PCYT1A: variants seen among roughly 807,000 people sequenced by gnomAD.
PCYT1A encodes choline-phosphate cytidylyltransferase A.
In PCYT1A, 25 loss-of-function variants were observed where a neutral mutation model predicts 43.7. The ratio of observed to expected loss-of-function variants is 0.57; its 90% CI spans 0.42 to 0.80. The LOEUF (loss-of-function observed/expected upper bound fraction) is 0.80, where lower values mean the gene tolerates loss of function less well. Ranked by LOEUF, PCYT1A falls within the 30% of genes least tolerant of loss-of-function variation. The pLI, the probability that PCYT1A is intolerant of heterozygous loss-of-function variation, is 0.00. For missense variants in PCYT1A, 421 were observed against 474.2 expected (o/e 0.89, Z 1.04); for synonymous variants, 172 against 170.7 (o/e 1.01, Z -0.06).
intron 2 of PCYT1A, among the ~76,000 whole-genome samples, chr3:196,266,409 C>T (rs1331359200): frequency 2.0e-5 from 3 of 151,498 alleles, no homozygotes; most frequent in South Asian, 2.1e-4. Flanking sequence ...GGAGGCGGAG[C>T]TTGCAGTGAG....
At chr3:196,284,673 G>T (rs1381593428) in intron 1 of PCYT1A, among the ~76,000 whole-genome samples, 4 of 152,180 alleles carry the variant, frequency 2.6e-5, no homozygotes, top group Non-Finnish European at 5.9e-5. Context: ...CTTATGGGAG[G>T]AGAGTCATAG....
At chr3:196,270,688 CA>C in intron 1 of PCYT1A, 147 bp from the exon 2 acceptor site, 1 of 690,608 alleles carries the variant, frequency 1.4e-6, no homozygotes, top group Non-Finnish European at 2.6e-6. Flanking sequence ...TGGCATCTGG[CA>C]AAACCAGCGA....
In PCYT1A at chr3:196,279,388, T is replaced by G. The variant is rs555040196; in HGVS notation, c.-11+8227A>C. ...CACTCCCTAGATAAGTCACCTTATC[T>G]TAATCACTGAAATTTGAGCACAGAC... On this transcript the variant is annotated intron_variant, in intron 1 of 8. Coordinates refer to ENST00000431016, the MANE Select transcript of PCYT1A (RefSeq NM_001312673.2). Among the ~76,000 whole-genome samples the G allele has an allele frequency of 1.8e-3, 271 of 152,136 alleles. 3 individuals carry two copies. Among genetic ancestry groups the G allele is most frequent in the Middle Eastern group, 0.01 (3 of 292 alleles).
At chr3:196,240,093 G>A in intron 7 of PCYT1A, 1 of 224,258 alleles carries the variant, frequency 4.5e-6, no homozygotes, top group Non-Finnish European at 8.8e-6. Context: ...TACAGAGGCA[G>A]CTAAAAGATC....
At chr3:196,267,281 G>A (rs1323877951) in intron 2 of PCYT1A, 7 of 456,132 alleles carry the variant, frequency 1.5e-5, no homozygotes, top group African/African-American at 4.0e-5. Context: ...ACCACATACC[G>A]TATGATGTCA....
intron 2 of PCYT1A, among the ~76,000 whole-genome samples, chr3:196,264,558 T>G (rs1021569682): frequency 6.6e-6 from 1 of 152,214 alleles, no homozygotes; most frequent in Admixed American, 6.5e-5. Flanking sequence ...TGATGACGCT[T>G]TTCCCAAACC....
In PCYT1A at chr3:196,254,754, T is replaced by C. The variant is rs139128751; in HGVS notation, c.217+3034A>G. ...GGTTATGAATTATACGCTGCACCACTGGTGACTAAGTAACCATATGTCCTC... is the reference window on the plus strand; with the variant it reads ...GGTTATGAATTATACGCTGCACCACCGGTGACTAAGTAACCATATGTCCTC... On this transcript the variant is annotated intron_variant, in intron 3 of 8. Transcript: ENST00000431016. Among the ~76,000 whole-genome samples the C allele has an allele frequency of 3.5e-3, 536 of 152,360 alleles. 2 individuals carry two copies. The highest frequency in any genetic ancestry group is 0.012 in the African/African-American group (509 of 41,590).
chr3:196,243,537 CACGGTCTCCCTCTCCCT>C (rs1724433386), intron 5 of PCYT1A, among the ~76,000 whole-genome samples: 1 of 151,858 alleles, frequency 6.6e-6, no homozygotes, highest in Non-Finnish European at 1.5e-5. Context: ...TCCCTCTCCC[CACGGTCTCCCTCTCCCT>C]CTCTTTCTAT....
rs563099125 is a variant in PCYT1A at position 196,241,728 on chromosome 3, T to C, written c.708+220A>G. ...TATATAAATTACTCATTTATTTAGTTGGCTGTATGGCTTTATACGAATGTG... is the reference window on the plus strand; with the variant it reads ...TATATAAATTACTCATTTATTTAGTCGGCTGTATGGCTTTATACGAATGTG... On this transcript the variant is annotated intron_variant, in intron 7 of 8. Coordinates refer to ENST00000431016, the MANE Select transcript of PCYT1A (RefSeq NM_001312673.2). 3.5e-5 allele frequency: 47 copies of C among 1,324,600 alleles called. No individual in the cohort carries two copies. The Middle Eastern group carries it at 5.5e-4, about 15-fold the overall frequency. 82.1% of individuals were successfully genotyped at this position (1,324,600 alleles called of 1,614,324 possible).
chr3:196,250,980 G>A (rs1724753976), intron 3 of PCYT1A, among the ~76,000 whole-genome samples: 1 of 151,292 alleles, frequency 6.6e-6, no homozygotes, highest in African/African-American at 2.4e-5. Context: ...TTGAGGACCA[G>A]ATACCCTATG....
Position 196,247,928 on chromosome 3 carries a change from A to G in PCYT1A, c.334+279T>C. 1 of 501,106 alleles carries G rather than the reference A, an allele frequency of 2.0e-6. No individual in the cohort carries two copies. The highest frequency in any genetic ancestry group is 3.6e-6 in the Non-Finnish European group (1 of 275,512). The allele number at this position is 501,106 out of a possible 1,614,324, so 31.0% of individuals were successfully genotyped here. On this transcript the variant is annotated intron_variant, in intron 4 of 8. Coordinates refer to ENST00000431016, the MANE Select transcript of PCYT1A (RefSeq NM_001312673.2). The surrounding 1 kb of genome is among the most constrained non-coding windows in gnomAD (Gnocchi z 4.8). ...AATGATAAACTGAAATCTAAAGCAA[A>G]TGTTTTAAAGTGGACAACGGAAGTC...
chr3:196,264,154 G>C (rs1196991165), intron 2 of PCYT1A, among the ~76,000 whole-genome samples: 1 of 152,028 alleles, frequency 6.6e-6, no homozygotes, highest in African/African-American at 2.4e-5. Context: ...TCTACACAAC[G>C]TACCTAAGAC....
At chr3:196,278,034 A>G (rs963632732) in intron 1 of PCYT1A, among the ~76,000 whole-genome samples, 3 of 152,210 alleles carry the variant, frequency 2.0e-5, no homozygotes, top group African/African-American at 7.2e-5. Flanking sequence ...AAAATCATGG[A>G]AAAAGGTACC....
rs115451598 is a variant in PCYT1A, at chr3:196,253,433, C to T, written c.217+4355G>A. 9.9e-3 allele frequency among the ~76,000 whole-genome samples: 1,508 copies of T among 152,048 alleles called. 10 individuals are homozygous for T. The highest frequency in any genetic ancestry group is 0.014 in the Non-Finnish European group (964 of 67,996). ...AACAAGTCCAGAGGGGCTATGATCT[C>T]ACACTATTCGATCCTGAAACACAAG... On this transcript the variant is annotated intron_variant, in intron 3 of 8. Coordinates refer to ENST00000431016, the MANE Select transcript of PCYT1A (RefSeq NM_001312673.2).
At chr3:196,258,285 CAAA>C (rs201725120) in intron 2 of PCYT1A, among the ~76,000 whole-genome samples, 4 of 114,798 alleles carry the variant, frequency 3.5e-5, no homozygotes, top group Non-Finnish European at 1.9e-5. Flanking sequence ...GACTCCACCT[CAAA>C]AAAAAAAAAA....
rs1433562354 is a variant in PCYT1A at position 196,268,255 on chromosome 3, T to C, written c.117+2160A>G. ...GTGATTGGCTGATTAGCTGACAGTATCACCTATTTGGTTATAACTTGTTCC... is the reference window on the plus strand; with the variant it reads ...GTGATTGGCTGATTAGCTGACAGTACCACCTATTTGGTTATAACTTGTTCC... On this transcript the variant is annotated intron_variant, in intron 2 of 8. Coordinates refer to ENST00000431016, the MANE Select transcript of PCYT1A (RefSeq NM_001312673.2). This position sits in a 1 kb window ranked among gnomAD's most constrained non-coding sequence, Gnocchi z 4.4. 6.6e-6 allele frequency among the ~76,000 whole-genome samples: 1 copy of C among 152,204 alleles called. No individual in the cohort carries two copies. The highest frequency in any genetic ancestry group is 6.5e-5 in the Admixed American group (1 of 15,274).
intron 3 of PCYT1A, among the ~76,000 whole-genome samples, chr3:196,257,390 C>T (rs1344709637): frequency 1.3e-5 from 2 of 152,158 alleles, no homozygotes; most frequent in African/African-American, 4.8e-5. Context: ...CAATCGGCAG[C>T]ATCATAGCCA....
intron 3 of PCYT1A, among the ~76,000 whole-genome samples, chr3:196,249,071 T>A (rs1358308637): frequency 1.3e-5 from 2 of 152,058 alleles, no homozygotes; most frequent in African/African-American, 2.4e-5. Context: ...AACTGCATAC[T>A]CCTTTCTTTA....
At chr3:196,246,841 C>T (rs1159092746) in intron 5 of PCYT1A, among the ~76,000 whole-genome samples, 2 of 151,934 alleles carry the variant, frequency 1.3e-5, no homozygotes, top group African/African-American at 4.8e-5. Flanking sequence ...GTTCCCAGCC[C>T]TGCCAGTGGT....
Sources: allele counts gnomAD v4.1 joint callset (sites outside exome capture counted in the v4.1 genomes callset), GRCh38; gene constraint gnomAD v4.1.1; non-coding constraint Gnocchi (gnomAD v3.1); transcripts MANE v1.5; gene names NCBI Gene and HGNC (gene_info 2026-07-23, HGNC 2026-07-21).